NKX2-1: variants seen among roughly 807,000 people sequenced by gnomAD.
NKX2-1 encodes NK2 homeobox 1, also known as homeobox protein Nkx-2.1.
In NKX2-1, 9 loss-of-function variants were observed where a neutral mutation model predicts 35.1. That is an observed-to-expected ratio of 0.26 (90% CI 0.15 to 0.45). NKX2-1 has a LOEUF of 0.45. NKX2-1 is among the 20% of genes least tolerant of loss of function. The pLI, the probability that NKX2-1 is intolerant of heterozygous loss-of-function variation, is 1.00. For missense variants in NKX2-1, 509 were observed against 589.1 expected, an observed-to-expected ratio of 0.86 and a Z score of 1.41; for synonymous variants, 284 against 269.9, an observed-to-expected ratio of 1.05 and a Z score of -0.51.
At chr14:36,519,599 G>A in intron 1 of NKX2-1, 1 of 1,533,606 alleles carries the variant, frequency 6.5e-7, no homozygotes, top group Non-Finnish European at 8.7e-7. Context: ...GCCACCAGAG[G>A]CGGGGCGTAA....
In NKX2-1 at chr14:36,520,105, C is replaced by A; in HGVS notation, c.25G>T (p.Ala9Ser). The stretch of plus-strand genomic sequence containing the variant: ...CCCGCCGCGGCCTCCCAGCCCCGCG[C>A]CTTCCCACTGCCTCCGGACCACATC... MWSGGSGK[A>S]RGWEAAAGGR... The change falls in exon 1 of 3, where the codon GCG becomes TCG. Residue 9 changes from alanine to serine, a missense_variant. This residue lies in a region of NKX2-1 where 271 missense variants were observed against 284.1 expected (regional missense o/e 0.95). Coordinates refer to ENST00000354822, the MANE Select transcript of NKX2-1 (RefSeq NM_001079668.3). 6.2e-7 allele frequency: 1 copy of A among 1,613,234 alleles called. No homozygotes were observed. The highest frequency in any genetic ancestry group is 8.5e-7 in the Non-Finnish European group (1 of 1,179,924).
rs2139406165 is a variant in NKX2-1 at position 36,517,510 on chromosome 14, T to C, written c.974A>G (p.Gln325Arg). 7.3e-7 allele frequency: 1 copy of C among 1,361,020 alleles called. No individual in the cohort carries two copies. 84.3% of individuals were successfully genotyped at this position (1,361,020 alleles called of 1,614,324 possible). A position where few individuals can be genotyped will look rare whatever the true frequency, so the allele number is the denominator to read the frequency against. ...GGCCGCTGCCGCCGCCTGCGCGGCC[T>C]GCGCCTGGTGCTGCGCCTGCTGCTG... The part of the protein sequence containing the change: ...HAQQQAQHQA[Q>R]AAQAAAAAIS... The change falls in exon 3 of 3, where the codon CAG (glutamine) becomes CGG (arginine). Residue 325 changes from glutamine to arginine, a missense_variant. By Grantham distance (43) the Gln-to-Arg change is conservative. Transcript: ENST00000354822.
chr14:36,519,271 C>T lies in NKX2-1; in HGVS notation c.177G>A (p.Met59Ile). 3 of 1,612,298 alleles carry T rather than the reference C, an allele frequency of 1.9e-6. No homozygotes were observed. Among genetic ancestry groups the T allele is most frequent in the Non-Finnish European group, 2.5e-6 (3 of 1,179,672 alleles). ...PLEESYKKVG[M>I]EGGGLGAPLA... ...GCGGAGCCCCGAGGCCGCCGCCCTCCATGCCCACTTTCTTGTAGCTTTCCT... is the reference window on the plus strand; with the variant it reads ...GCGGAGCCCCGAGGCCGCCGCCCTCTATGCCCACTTTCTTGTAGCTTTCCT... The change falls in exon 2 of 3, where the codon ATG becomes ATA. Residue 59 changes from methionine to isoleucine, a missense_variant. Met to Ile is a conservative substitution (Grantham distance 10, BLOSUM62 1). Around this residue, in one of 5 missense-constraint regions of NKX2-1, gnomAD observed 271 missense variants for 284.1 expected, o/e 0.95. Coordinates refer to ENST00000354822, the MANE Select transcript of NKX2-1 (RefSeq NM_001079668.3).
rs1351988398 is a variant in NKX2-1, at chr14:36,517,112, C to G, written c.*166G>C. On this transcript the variant is annotated 3_prime_UTR_variant, in exon 3 of 3. Transcript: ENST00000354822. ...TTTTAGGGGGGGAAAAAAAGAAAGA[C>G]GTCCAGCAGTTTGGCCTTTGTGGTT... The G allele has an allele frequency of 3.6e-6, 4 of 1,101,356 alleles. No individual in the cohort carries two copies. Among genetic ancestry groups the G allele is most frequent in the Non-Finnish European group, 4.8e-6 (4 of 827,278 alleles). The allele number at this position is 1,101,356 out of a possible 1,614,324, so 68.2% of individuals were successfully genotyped here. A position where few individuals can be genotyped will look rare whatever the true frequency, so the allele number is the denominator to read the frequency against.
At position 36,517,080 on chromosome 14, in the gene NKX2-1, C is replaced by T. The variant is rs562274315; in HGVS notation, c.*198G>A. 56 of 1,020,684 alleles carry T rather than the reference C, an allele frequency of 5.5e-5. 1 individual carries two copies. The African/African-American group carries it at 7.5e-4, about 14-fold the overall frequency. The allele number at this position is 1,020,684 out of a possible 1,614,324, so 63.2% of individuals were successfully genotyped here. A position where few individuals can be genotyped will look rare whatever the true frequency, so the allele number is the denominator to read the frequency against. ...ATTTTCTTTTTTTAAAAAAAAAAACCCACAAATTTTAGGGGGGGAAAAAAA... is the reference window on the plus strand; with the variant it reads ...ATTTTCTTTTTTTAAAAAAAAAAACTCACAAATTTTAGGGGGGGAAAAAAA... On this transcript the variant is annotated 3_prime_UTR_variant, in exon 3 of 3. Transcript: ENST00000354822.
rs774393926 is a variant in NKX2-1, at chr14:36,520,082, C to A, written c.48G>T (p.Ala16=). The A allele has an allele frequency of 1.2e-6, 2 of 1,613,070 alleles. No homozygotes were observed. Among genetic ancestry groups the A allele is most frequent in the South Asian group, 2.2e-5 (2 of 91,060 alleles). Residue 16 remains alanine, a synonymous_variant, in exon 1 of 3, where the codon GCG becomes GCT. Transcript: ENST00000354822. ...GCCTGCCGGGGCTGCTCCTCCCTCCCGCCGCGGCCTCCCAGCCCCGCGCCT... is the reference window on the plus strand; with the variant it reads ...GCCTGCCGGGGCTGCTCCTCCCTCCAGCCGCGGCCTCCCAGCCCCGCGCCT... ...SGKARGWEAA[A]GGRSSPGRLS... is the part of the protein sequence containing the mutation.
At chr14:36,519,503 A>G in intron 1 of NKX2-1, 133 bp from the exon 2 acceptor site, 1 of 1,538,796 alleles carries the variant, frequency 6.5e-7, no homozygotes, top group Non-Finnish European at 8.7e-7. Context: ...CACGTAACGG[A>G]GTGGACCGAG....
At position 36,516,886 on chromosome 14, in the gene NKX2-1, G is replaced by A. The variant is rs574552862; in HGVS notation, c.*392C>T. On this transcript the variant is annotated 3_prime_UTR_variant, in exon 3 of 3. Coordinates refer to ENST00000354822, the MANE Select transcript of NKX2-1 (RefSeq NM_001079668.3). Reference sequence around the variant, plus strand: ...GCTGGCAGAGTGTGCCCAGAGTGAAGTTTGGTCTTTAGAGTCCAGAGCCAT... The same window carrying A: ...GCTGGCAGAGTGTGCCCAGAGTGAAATTTGGTCTTTAGAGTCCAGAGCCAT... 19 of 247,854 alleles carry A rather than the reference G, an allele frequency of 7.7e-5. No individual in the cohort carries two copies. Among genetic ancestry groups the A allele is most frequent in the Admixed American group, 3.3e-4 (6 of 18,216 alleles). The allele number at this position is 247,854 out of a possible 1,614,324, so 15.4% of individuals were successfully genotyped here. A position where few individuals can be genotyped will look rare whatever the true frequency, so the allele number is the denominator to read the frequency against.
At chr14:36,518,861 G>A (rs1232348197) in intron 2 of NKX2-1, 124 bp downstream of exon 2, 6 of 1,278,036 alleles carry the variant, frequency 4.7e-6, no homozygotes, top group Admixed American at 3.6e-5. Context: ...AGTCCCTGGC[G>A]CCGCTGCCGG....
chr14:36,519,973 C>A, intron 1 of NKX2-1, 80 bp downstream of exon 1: 6 of 1,596,718 alleles, frequency 3.8e-6, no homozygotes, highest in Non-Finnish European at 5.1e-6. Flanking sequence ...AGTGGAACCA[C>A]TTTCCAATTC....
Position 36,517,419 on chromosome 14 carries a change from G to C in NKX2-1, c.1065C>G (p.Gly355=). The change falls in exon 3 of 3, where the codon GGC becomes GGG. Residue 355 remains glycine (G), a synonymous_variant. Transcript: ENST00000354822. The stretch of plus-strand genomic sequence containing the variant: ...CGTGGTGCGCCAGGTCCGGAGACTG[G>C]CCTGCGCTGCCTGGCTGGTGGCCCG... The part of the protein sequence containing the change: ...AHPGHQPGSA[G]QSPDLAHHAA... The C allele has an allele frequency of 6.4e-7, 1 of 1,559,486 alleles. No individual in the cohort carries two copies. The highest frequency in any genetic ancestry group is 8.7e-7 in the Non-Finnish European group (1 of 1,155,870).
At chr14:36,518,883 T>G (rs1321842667) in intron 2 of NKX2-1, 102 bp downstream of exon 2, 1 of 1,369,386 alleles carries the variant, frequency 7.3e-7, no homozygotes, top group African/African-American at 1.5e-5. Flanking sequence ...CCGCCCTCCC[T>G]GATGCCCAGC....
chr14:36,517,543 C>A lies in NKX2-1; in HGVS notation c.941G>T (p.Gly314Val), dbSNP rs745510380. ...GTGCTGCGCCTGCTGCTGCGCGTGG[C>A]CTTGTAGGCTGGCGGCGCCCGGCGC... ...APAPGAASLQGHAQQQAQHQA... is the reference protein window; with the variant it reads ...APAPGAASLQVHAQQQAQHQA... The change falls in exon 3 of 3, where the codon GGC (glycine) becomes GTC (valine). Residue 314 changes from glycine (G) to valine (V), a missense_variant. Physicochemically the swap from Gly to Val is moderately radical, Grantham distance 109 (BLOSUM62 -3). Around this residue, in one of 5 missense-constraint regions of NKX2-1, gnomAD observed 212 missense variants for 227.7 expected, o/e 0.93. Coordinates refer to ENST00000354822, the MANE Select transcript of NKX2-1 (RefSeq NM_001079668.3). 1 of 1,454,350 alleles carries A rather than the reference C, an allele frequency of 6.9e-7. No individual in the cohort carries two copies. The highest frequency in any genetic ancestry group is 9.0e-7 in the Non-Finnish European group (1 of 1,111,592). 90.1% of individuals were successfully genotyped at this position (1,454,350 alleles called of 1,614,324 possible). A position where few individuals can be genotyped will look rare whatever the true frequency, so the allele number is the denominator to read the frequency against.
chr14:36,516,512 T>C lies in NKX2-1; in HGVS notation c.*766A>G, dbSNP rs539800894. ...AACAGAAAAAGACTGACGCCGCAAA[T>C]ACCAAACTGCCAAATAATATACACA... On this transcript the variant is annotated 3_prime_UTR_variant, in exon 3 of 3. Transcript: ENST00000354822. The C allele has an allele frequency of 4.3e-6, 1 of 232,702 alleles. No individual in the cohort carries two copies. The highest frequency in any genetic ancestry group is 1.8e-4 in the South Asian group (1 of 5,516). 14.4% of individuals were successfully genotyped at this position (232,702 alleles called of 1,614,324 possible).
chr14:36,517,102 A>T lies in NKX2-1; in HGVS notation c.*176T>A. On this transcript the variant is annotated 3_prime_UTR_variant, in exon 3 of 3. Coordinates refer to ENST00000354822, the MANE Select transcript of NKX2-1 (RefSeq NM_001079668.3). ...AACCCACAAATTTTAGGGGGGGAAA[A>T]AAAGAAAGACGTCCAGCAGTTTGGC... 1.4e-6 allele frequency: 1 copy of T among 697,600 alleles called. No individual in the cohort carries two copies. The highest frequency in any genetic ancestry group is 2.0e-6 in the Non-Finnish European group (1 of 496,346). 43.2% of individuals were successfully genotyped at this position (697,600 alleles called of 1,614,324 possible).
At chr14:36,519,600 C>T in intron 1 of NKX2-1, 1 of 1,533,292 alleles carries the variant, frequency 6.5e-7, no homozygotes, top group Non-Finnish European at 8.7e-7. Context: ...CCACCAGAGG[C>T]GGGGCGTAAG....
chr14:36,518,944 G>C, intron 2 of NKX2-1, 41 bp downstream of exon 2: 1 of 1,506,676 alleles, frequency 6.6e-7, no homozygotes, highest in Non-Finnish European at 8.8e-7. Context: ...CGCACCTCCT[G>C]AGCTCAGCCC....
At chr14:36,519,710 T>G in intron 1 of NKX2-1, 1 of 1,504,840 alleles carries the variant, frequency 6.6e-7, no homozygotes, top group Non-Finnish European at 8.9e-7. Context: ...CTTGTCAGGA[T>G]TTTTAGGTCT....
chr14:36,518,024 T>C lies in NKX2-1; in HGVS notation c.464-4A>G, dbSNP rs780157161. On this transcript the variant is annotated splice_polypyrimidine_tract_variant and splice_region_variant and intron_variant, in intron 2 of 2. Transcript: ENST00000354822. ...GCCGGGCCCATGAAGCGGGAGACTG[T>C]AAGCGACAAACGCACAGCGTCGGCC... is the stretch of plus-strand genomic sequence containing the variant. 1.5e-5 allele frequency: 24 copies of C among 1,597,794 alleles called. No homozygotes were observed. Among genetic ancestry groups the C allele is most frequent in the Non-Finnish European group, 2.0e-5 (24 of 1,179,640 alleles).
Sources: allele counts gnomAD v4.1 joint callset, GRCh38; gene constraint gnomAD v4.1.1; regional missense constraint gnomAD v4.1.1; transcripts MANE v1.5; gene names NCBI Gene and HGNC (gene_info 2026-07-23, HGNC 2026-07-21).